Variants in PELP1 observed in about 807,000 individuals in gnomAD.
PELP1 encodes the protein proline, glutamate and leucine rich protein 1.
A neutral mutation model predicts 95.5 loss-of-function variants in PELP1; 32 were observed. That is an observed-to-expected ratio of 0.34 (90% CI 0.25 to 0.45). The LOEUF (loss-of-function observed/expected upper bound fraction) is 0.45, where lower values mean the gene tolerates loss of function less well. PELP1 is among the 20% of genes least tolerant of loss of function. The pLI is 1.00. For synonymous variants in PELP1, 668 were observed against 600.1 expected (o/e 1.11, Z -1.65); for missense variants, 1,358 against 1,444.8 (o/e 0.94, Z 0.97).
chr17:4,702,144 C>T (rs1014461688), intron 1 of PELP1, among the ~76,000 whole-genome samples: 8 of 152,184 alleles, frequency 5.3e-5, no homozygotes, highest in African/African-American at 1.7e-4. Context: ...GGGGGCAAGG[C>T]ATGGTGGCCC....
chr17:4,702,365 G>A (rs1165864363), intron 1 of PELP1, among the ~76,000 whole-genome samples: 2 of 152,192 alleles, frequency 1.3e-5, no homozygotes, highest in East Asian at 3.8e-4. Flanking sequence ...GTTGCAGTGA[G>A]CCAAGATCAT....
intron 5 of PELP1, among the ~76,000 whole-genome samples, chr17:4,680,792 C>T (rs2150556927): frequency 6.6e-6 from 1 of 152,340 alleles, no homozygotes; most frequent in Non-Finnish European, 1.5e-5. Context: ...AACATTTAAT[C>T]TACAGGGGAA....
chr17:4,686,918 A>T (rs866165590), intron 3 of PELP1, among the ~76,000 whole-genome samples: 1 of 152,166 alleles, frequency 6.6e-6, no homozygotes. Context: ...AACCCTTAGC[A>T]TGGTCTATAA....
chr17:4,703,965 C>T lies in PELP1; in HGVS notation c.147G>A (p.Thr49=), dbSNP rs1288264599. 2.5e-6 allele frequency: 4 copies of T among 1,613,504 alleles called. No individual in the cohort carries two copies. The highest frequency in any genetic ancestry group is 1.3e-5 in the African/African-American group (1 of 74,936). Residue 49 remains threonine (T), a synonymous_variant, in exon 1 of 17, where the codon ACG becomes ACA. Transcript: ENST00000572293. ...GATGCACCGGAGCAACGGCAGACCC[C>T]GTTCGAGGTTGCAGCAAACCAGAAA... ...ESVSGLLQPR[T]GSAVAPVHPP...
At chr17:4,697,867 T>C (rs1913353781) in intron 1 of PELP1, among the ~76,000 whole-genome samples, 1 of 148,296 alleles carries the variant, frequency 6.7e-6, no homozygotes. Flanking sequence ...TCACATTATC[T>C]CCCCCCAAGA....
At chr17:4,683,503 G>A (rs1286662867) in intron 3 of PELP1, among the ~76,000 whole-genome samples, 2 of 137,220 alleles carry the variant, frequency 1.5e-5, no homozygotes, top group Non-Finnish European at 3.1e-5. Context: ...ACAGGTGTGA[G>A]CCATCACGCC....
intron 3 of PELP1, among the ~76,000 whole-genome samples, chr17:4,683,280 G>A (rs1912763473): frequency 6.6e-6 from 1 of 150,564 alleles, no homozygotes; most frequent in Non-Finnish European, 1.5e-5. Context: ...GAGTGCAGTG[G>A]CGCGATCTCG....
chr17:4,700,928 C>A (rs1241490256), intron 1 of PELP1, among the ~76,000 whole-genome samples: 22 of 102,648 alleles, frequency 2.1e-4, no homozygotes, highest in African/African-American at 5.0e-4. Context: ...GGCCCTATCT[C>A]AAAAAAAAAA....
At chr17:4,696,454 A>G (rs1055290373) in intron 1 of PELP1, among the ~76,000 whole-genome samples, 1 of 152,208 alleles carries the variant, frequency 6.6e-6, no homozygotes, top group Non-Finnish European at 1.5e-5. Flanking sequence ...GGAGTAACCA[A>G]TGATGAAGGT....
chr17:4,679,242 G>A (rs929389788), intron 5 of PELP1, among the ~76,000 whole-genome samples: 3 of 152,088 alleles, frequency 2.0e-5, no homozygotes, highest in Non-Finnish European at 2.9e-5. Context: ...TGGCCAGGCT[G>A]ATCTCAAACT....
intron 1 of PELP1, among the ~76,000 whole-genome samples, chr17:4,698,514 C>CAAGTA (rs1913389012): frequency 6.7e-6 from 1 of 150,184 alleles, no homozygotes; most frequent in Non-Finnish European, 1.5e-5. Flanking sequence ...TGGTAGCAGG[C>CAAGTA]GCTTGTAATC....
In PELP1 at chr17:4,676,372, C is replaced by T. The variant is rs1266015714; in HGVS notation, c.838G>A (p.Glu280Lys). ...TGGTCCCTACCAGTCTCTGCTCCCT[C>T]GTACAGGGCCCCCAGCAGGGTGTGC... ...SLHTLLGALY[E>K]GAETAPVQNE... The change falls in exon 7 of 17, where the codon GAG becomes AAG. Residue 280 changes from glutamate (E) to lysine (K), a missense_variant. Glu to Lys is a moderately conservative substitution (Grantham distance 56). Around this residue, in one of 7 missense-constraint regions of PELP1, gnomAD observed 538 missense variants for 628.1 expected, o/e 0.86. Coordinates refer to ENST00000572293, the MANE Select transcript of PELP1 (RefSeq NM_014389.3). 5 of 1,613,600 alleles carry T rather than the reference C, an allele frequency of 3.1e-6. No homozygotes were observed. The highest frequency in any genetic ancestry group is 2.5e-6 in the Non-Finnish European group (3 of 1,179,690).
chr17:4,674,034 G>T (rs997177850), intron 13 of PELP1, among the ~76,000 whole-genome samples: 4 of 152,222 alleles, frequency 2.6e-5, no homozygotes, highest in African/African-American at 9.6e-5. Flanking sequence ...CCTGTGGACA[G>T]GTCAGTGGTT....
At chr17:4,683,282 G>C (rs1420308688) in intron 3 of PELP1, among the ~76,000 whole-genome samples, 1 of 149,604 alleles carries the variant, frequency 6.7e-6, no homozygotes, top group Non-Finnish European at 1.5e-5. Flanking sequence ...GTGCAGTGGC[G>C]CGATCTCGGC....
At chr17:4,702,271 T>C (rs1194554491) in intron 1 of PELP1, among the ~76,000 whole-genome samples, 1 of 151,852 alleles carries the variant, frequency 6.6e-6, no homozygotes, top group Non-Finnish European at 1.5e-5. Flanking sequence ...ATACAAAAAT[T>C]AGCCGGGCAT....
chr17:4,690,822 G>T, intron 3 of PELP1, 66 bp downstream of exon 3: 1 of 986,648 alleles, frequency 1.0e-6, no homozygotes, highest in Non-Finnish European at 1.6e-6. Context: ...AAAAGAACAT[G>T]CCACATCCAA....
At chr17:4,674,988 T>TG (rs758105157) in intron 11 of PELP1, 32 bp from the exon 12 acceptor site, 17 of 1,605,656 alleles carry the variant, frequency 1.1e-5, no homozygotes, top group Middle Eastern at 1.7e-4. Flanking sequence ...CAGTTATGAA[T>TG]GGGGGGTCAA....
At chr17:4,686,451 TAG>T (rs1238797576) in intron 3 of PELP1, among the ~76,000 whole-genome samples, 2 of 152,202 alleles carry the variant, frequency 1.3e-5, no homozygotes, top group Non-Finnish European at 2.9e-5. Flanking sequence ...GCCATCTACA[TAG>T]AGTTTCTGCT....
intron 1 of PELP1, among the ~76,000 whole-genome samples, chr17:4,696,144 C>T (rs972568344): frequency 2.0e-5 from 3 of 151,620 alleles, no homozygotes; most frequent in South Asian, 2.1e-4. Context: ...CCTGTGCAAC[C>T]GAGGGAGACC....
Sources: gnomAD v4.1 joint callset for allele counts (sites outside exome capture counted in the v4.1 genomes callset) on GRCh38, gnomAD v4.1.1 for gene constraint, gnomAD v4.1.1 regional missense constraint, MANE v1.5 for transcripts, NCBI Gene and HGNC (gene_info 2026-07-23, HGNC 2026-07-21) for gene names.